RARG: variants seen among roughly 807,000 people sequenced by gnomAD.
The protein encoded by RARG is retinoic acid receptor gamma.
In RARG, 17 loss-of-function variants were observed where a neutral mutation model predicts 43.7. That is an observed-to-expected ratio of 0.39 (90% CI 0.27 to 0.58). The LOEUF is 0.58. Ranked by LOEUF, RARG falls within the 20% of genes least tolerant of loss-of-function variation. The pLI, the probability that RARG is intolerant of heterozygous loss-of-function variation, is 0.57. For synonymous variants in RARG, 238 were observed against 236.4 expected (o/e 1.01, Z -0.06); for missense variants, 346 against 598.7 (o/e 0.58, Z 4.40).
At chr12:53,220,371 C>T in intron 3 of RARG, 5 of 1,177,004 alleles carry the variant, frequency 4.2e-6, no homozygotes, top group Non-Finnish European at 5.2e-6. Context: ...CTGGGGAGAC[C>T]TTTTTTAAAA....
rs1943136089 is a variant in RARG at position 53,227,476 on chromosome 12, C to G, written c.70G>C (p.Gly24Arg). 6.2e-7 allele frequency: 1 copy of G among 1,610,054 alleles called. No homozygotes were observed. Among genetic ancestry groups the G allele is most frequent in the Non-Finnish European group, 8.5e-7 (1 of 1,178,404 alleles). ...GCCCCTGGGAAGGCGAAGGGGAAAC[C>G]TGCCCCTGGGTAGCCAGATCCAGGC... ...LGPGSGYPGA[G>R]FPFAFPGALR... is the part of the protein sequence containing the mutation. Residue 24 changes from glycine (G) to arginine (R), a missense_variant, in exon 3 of 10, where the codon GGT (glycine) becomes CGT (arginine). This residue lies in a region of RARG where 90 missense variants were observed against 93.2 expected (regional missense o/e 0.97). Coordinates refer to ENST00000425354, the MANE Select transcript of RARG (RefSeq NM_000966.6). This position sits in a 1 kb window ranked among gnomAD's most constrained non-coding sequence, Gnocchi z 4.3.
rs1942733995 is a variant in RARG at position 53,215,449 on chromosome 12, A to C, written c.334-15T>G. The C allele has an allele frequency of 6.2e-7, 1 of 1,613,826 alleles. No individual in the cohort carries two copies. The highest frequency in any genetic ancestry group is 1.7e-5 in the Admixed American group (1 of 59,986). ...CGAAAGAAGCCCTGGAGTTGAGGGA[A>C]AGAGAGAGGGCCTCTGAAGCACAAT... On this transcript the variant is annotated splice_polypyrimidine_tract_variant and intron_variant, in intron 4 of 9. Coordinates refer to ENST00000425354, the MANE Select transcript of RARG (RefSeq NM_000966.6). This position sits in a 1 kb window ranked among gnomAD's most constrained non-coding sequence, Gnocchi z 6.4.
At chr12:53,225,755 A>G (rs1943091829) in intron 3 of RARG, among the ~76,000 whole-genome samples, 1 of 152,100 alleles carries the variant, frequency 6.6e-6, no homozygotes, top group African/African-American at 2.4e-5. Context: ...ATGACTACCA[A>G]CTGGGAGGAG....
intron 3 of RARG, among the ~76,000 whole-genome samples, chr12:53,216,821 A>AGTGT (rs35354918): frequency 0.018 from 2,652 of 144,130 alleles, 82 homozygotes; most frequent in African/African-American, 0.058. Flanking sequence ...CTGCTGGGTA[A>AGTGT]GTGTGTGTGT....
chr12:53,222,117 A>G (rs1592442105), intron 3 of RARG, among the ~76,000 whole-genome samples: 2 of 151,860 alleles, frequency 1.3e-5, no homozygotes, highest in East Asian at 3.9e-4. Flanking sequence ...GCAGGGATGG[A>G]GAGGGAATGC....
intron 3 of RARG, among the ~76,000 whole-genome samples, chr12:53,226,516 G>A (rs1943109900): frequency 6.6e-6 from 1 of 152,030 alleles, no homozygotes; most frequent in Admixed American, 6.6e-5. Flanking sequence ...TTAAAGACGG[G>A]GTTTCACTAT....
chr12:53,214,318 C>G (rs1014752182), intron 6 of RARG, 83 bp from the exon 7 acceptor site: 5 of 1,539,306 alleles, frequency 3.2e-6, no homozygotes, highest in Non-Finnish European at 3.6e-6. Context: ...ATATCCCAAG[C>G]TCTCTCCTCT....
chr12:53,229,996 G>A (rs1943193192), intron 2 of RARG: 1 of 973,262 alleles, frequency 1.0e-6, no homozygotes, highest in African/African-American at 1.8e-5. Context: ...TGGGAGTTGA[G>A]TGAAGAGAGG....
At chr12:53,222,700 C>T (rs80066967) in intron 3 of RARG, among the ~76,000 whole-genome samples, 31,928 of 151,958 alleles carry the variant, frequency 0.21, 4,676 homozygotes, top group African/African-American at 0.4. Flanking sequence ...CCAGGCATTA[C>T]GGTGTCAGGC....
Position 53,213,800 on chromosome 12 carries a change from AC to A in RARG, c.814-101del. The A allele has an allele frequency of 1.5e-6, 2 of 1,295,672 alleles. No individual in the cohort carries two copies. Among genetic ancestry groups the A allele is most frequent in the Non-Finnish European group, 2.2e-6 (2 of 919,834 alleles). The allele number at this position is 1,295,672 out of a possible 1,614,324, so 80.3% of individuals were successfully genotyped here. ...GGAGGTTAGGTCCCCAGTGAGTGCA[AC>A]CTGAAGCAGGCATGGAGAAGGCAGA... is the stretch of plus-strand genomic sequence containing the variant. On this transcript the variant is annotated intron_variant, in intron 7 of 9. Coordinates refer to ENST00000425354, the MANE Select transcript of RARG (RefSeq NM_000966.6). This position sits in a 1 kb window ranked among gnomAD's most constrained non-coding sequence, Gnocchi z 4.7.
chr12:53,212,286 T>C (rs1018245418), intron 9 of RARG, among the ~76,000 whole-genome samples: 3 of 152,216 alleles, frequency 2.0e-5, no homozygotes, highest in South Asian at 2.1e-4. Context: ...GACTGTCCAA[T>C]AGAACTTTGC....
chr12:53,219,096 A>G (rs1016704896), intron 3 of RARG, among the ~76,000 whole-genome samples: 8 of 152,164 alleles, frequency 5.3e-5, no homozygotes, highest in African/African-American at 1.9e-4. Context: ...GAGGGGGAAG[A>G]TAGATATTTG....
intron 3 of RARG, chr12:53,220,158 TC>T: frequency 2.9e-6 from 4 of 1,390,640 alleles, no homozygotes; most frequent in Non-Finnish European, 2.9e-6. Context: ...CGCAGCCGAT[TC>T]CCCCTCCTCC....
At chr12:53,228,533 C>G (rs1363043525) in intron 2 of RARG, among the ~76,000 whole-genome samples, 2 of 152,154 alleles carry the variant, frequency 1.3e-5, no homozygotes, top group African/African-American at 4.8e-5. Flanking sequence ...CCAGTTTCCT[C>G]TCCCAATTCT....
At chr12:53,223,670 A>G (rs1360833563) in intron 3 of RARG, among the ~76,000 whole-genome samples, 1 of 152,216 alleles carries the variant, frequency 6.6e-6, no homozygotes, top group African/African-American at 2.4e-5. Flanking sequence ...AGGAGGCCTC[A>G]CTGCCCTTAC....
rs35354918 is a variant in RARG, at chr12:53,216,821, A to AGTGTGT, written c.185-1033_185-1028dup. 4.3e-3 allele frequency among the ~76,000 whole-genome samples: 617 copies of AGTGTGT among 144,200 alleles called. 8 individuals are homozygous for AGTGTGT. Among genetic ancestry groups the AGTGTGT allele is most frequent in the African/African-American group, 0.015 (571 of 37,502 alleles). The allele number at this position is 144,200 out of a possible 152,430, so 94.6% of individuals were successfully genotyped here. ...GCTCTGTTCAAAAGGCTGCTGGGTA[A>AGTGTGT]GTGTGTGTGTGTGTGTGTGTGCGCG... On this transcript the variant is annotated intron_variant, in intron 3 of 9. Transcript: ENST00000425354.
chr12:53,220,183 C>G, intron 3 of RARG: 1 of 1,536,418 alleles, frequency 6.5e-7, no homozygotes, highest in Non-Finnish European at 8.8e-7. Flanking sequence ...GGCGGCGCCC[C>G]GCTCCAGCAG....
At chr12:53,222,386 G>A (rs1371667891) in intron 3 of RARG, among the ~76,000 whole-genome samples, 1 of 152,186 alleles carries the variant, frequency 6.6e-6, no homozygotes, top group East Asian at 1.9e-4. Flanking sequence ...GTGCAAAATA[G>A]GGAGTACCCC....
At chr12:53,212,779 CAT>C (rs200303961) in intron 9 of RARG, among the ~76,000 whole-genome samples, 3,924 of 144,468 alleles carry the variant, frequency 0.027, 92 homozygotes, top group African/African-American at 0.063. Flanking sequence ...CACACACACA[CAT>C]ACTTGGAATT....
Sources: allele counts gnomAD v4.1 joint callset (sites outside exome capture counted in the v4.1 genomes callset), GRCh38; gene constraint gnomAD v4.1.1; regional missense constraint gnomAD v4.1.1; non-coding constraint Gnocchi (gnomAD v3.1); transcripts MANE v1.5; gene names NCBI Gene and HGNC (gene_info 2026-07-23, HGNC 2026-07-21).